The following DYNC1I1 variants were observed in gnomAD, a reference collection of about 807,000 sequenced individuals.
DYNC1I1 encodes cytoplasmic dynein 1 intermediate chain 1.
DYNC1I1 carries 43 observed loss-of-function variants against 86.6 expected under a neutral mutation model. That is an observed-to-expected ratio of 0.50 (90% CI 0.39 to 0.64). The LOEUF (loss-of-function observed/expected upper bound fraction) is 0.64, where lower values mean the gene tolerates loss of function less well. Ranked by LOEUF, DYNC1I1 falls within the 30% of genes least tolerant of loss-of-function variation. The probability of loss-of-function intolerance (pLI) is 0.00; values close to 1 mark genes in which losing one functional copy is unlikely to be tolerated. For synonymous variants in DYNC1I1, 262 were observed against 283.7 expected (o/e 0.92, Z 0.77); for missense variants, 604 against 788.8 (o/e 0.77, Z 2.81).
chr7:95,932,081 C>T (rs944432729), intron 6 of DYNC1I1, among the ~76,000 whole-genome samples: 1 of 152,046 alleles, frequency 6.6e-6, no homozygotes, highest in African/African-American at 2.4e-5. Context: ...AACAGAATAC[C>T]TTCAAGATTT....
chr7:95,880,904 C>T (rs1790440101), intron 6 of DYNC1I1, among the ~76,000 whole-genome samples: 1 of 152,116 alleles, frequency 6.6e-6, no homozygotes, highest in African/African-American at 2.4e-5. Context: ...CTCAGCCTCC[C>T]ATAACTTGCA....
chr7:95,825,068 T>TTACTGACAATAACTATG (rs1795174951), intron 4 of DYNC1I1, among the ~76,000 whole-genome samples: 1 of 152,224 alleles, frequency 6.6e-6, no homozygotes, highest in African/African-American at 2.4e-5. Context: ...GCCCACAGCT[T>TTACTGACAATAACTATG]GTTACTGACA....
At chr7:95,939,839 T>G (rs182407423) in intron 6 of DYNC1I1, among the ~76,000 whole-genome samples, 11 of 152,328 alleles carry the variant, frequency 7.2e-5, no homozygotes, top group Admixed American at 7.2e-4. Context: ...ATCCTGTCAT[T>G]ATGATGTTGG....
At chr7:96,043,606 A>G (rs1047626798) in intron 14 of DYNC1I1, among the ~76,000 whole-genome samples, 1 of 152,140 alleles carries the variant, frequency 6.6e-6, no homozygotes, top group African/African-American at 2.4e-5. Flanking sequence ...TGGATCTTAC[A>G]TAGATCTTGA....
intron 1 of DYNC1I1, among the ~76,000 whole-genome samples, chr7:95,785,819 T>TA: frequency 1.7e-5 from 2 of 114,634 alleles, no homozygotes; most frequent in South Asian, 2.8e-4. Flanking sequence ...ATATATATAT[T>TA]ATATATAACA....
intron 6 of DYNC1I1, among the ~76,000 whole-genome samples, chr7:95,936,954 T>TCACACACACACACACACACACACA (rs1491214381): frequency 3.0e-3 from 96 of 32,540 alleles, no homozygotes; most frequent in African/African-American, 7.2e-3. Flanking sequence ...AAAGAATATG[T>TCACACACACACACACACACACACA]CTCACACACA....
chr7:95,865,380 A>T (rs1353470349), intron 5 of DYNC1I1, among the ~76,000 whole-genome samples: 2 of 152,174 alleles, frequency 1.3e-5, no homozygotes, highest in East Asian at 3.9e-4. Context: ...GTCTCAATTT[A>T]TATTTCTACA....
At chr7:96,026,401 C>T (rs1794683397) in intron 10 of DYNC1I1, among the ~76,000 whole-genome samples, 3 of 151,622 alleles carry the variant, frequency 2.0e-5, no homozygotes, top group Admixed American at 6.6e-5. Flanking sequence ...GTTTAGTTTA[C>T]TAGTCAAAAA....
At chr7:95,900,206 G>A (rs1201095060) in intron 6 of DYNC1I1, among the ~76,000 whole-genome samples, 1 of 152,122 alleles carries the variant, frequency 6.6e-6, no homozygotes, top group Admixed American at 6.5e-5. Flanking sequence ...CCACTGGAAA[G>A]GAATCCTAGC....
intron 14 of DYNC1I1, among the ~76,000 whole-genome samples, chr7:96,046,497 G>T (rs998357458): frequency 1.1e-4 from 17 of 152,148 alleles, no homozygotes; most frequent in African/African-American, 3.4e-4. Context: ...GAGGAAATAG[G>T]CACAAGAGAG....
At chr7:95,790,174 A>G (rs1794256801) in intron 1 of DYNC1I1, among the ~76,000 whole-genome samples, 2 of 152,120 alleles carry the variant, frequency 1.3e-5, no homozygotes, top group Admixed American at 1.3e-4. Flanking sequence ...AGGGTGACCA[A>G]TTTGGCCAGG....
At chr7:96,087,362 G>A (rs1355409045) in intron 16 of DYNC1I1, among the ~76,000 whole-genome samples, 1 of 152,168 alleles carries the variant, frequency 6.6e-6, no homozygotes, top group Non-Finnish European at 1.5e-5. Flanking sequence ...TGTCCCCTGA[G>A]CAAGGCAAAC....
chr7:95,776,556 G>A (rs112727863), intron 1 of DYNC1I1, among the ~76,000 whole-genome samples: 214 of 152,332 alleles, frequency 1.4e-3, no homozygotes, highest in African/African-American at 4.9e-3. Flanking sequence ...AATACAGGAA[G>A]AATCACTGGT....
At chr7:96,054,017 A>G (rs1176196635) in intron 14 of DYNC1I1, among the ~76,000 whole-genome samples, 2 of 152,218 alleles carry the variant, frequency 1.3e-5, no homozygotes, top group Non-Finnish European at 2.9e-5. Context: ...CATGTGCAGA[A>G]TATGCAGGTT....
chr7:95,940,238 C>T (rs1227280374), intron 6 of DYNC1I1, among the ~76,000 whole-genome samples: 1 of 151,322 alleles, frequency 6.6e-6, no homozygotes. Flanking sequence ...ACATTTTTTC[C>T]TTCATTTCAA....
intron 14 of DYNC1I1, among the ~76,000 whole-genome samples, chr7:96,063,734 T>C (rs1167687666): frequency 6.6e-6 from 1 of 152,212 alleles, no homozygotes; most frequent in Non-Finnish European, 1.5e-5. Flanking sequence ...TCCAAGGTAC[T>C]GGAATTAGGA....
intron 14 of DYNC1I1, among the ~76,000 whole-genome samples, chr7:96,046,576 G>A (rs1156962821): frequency 1.3e-5 from 2 of 152,180 alleles, no homozygotes; most frequent in Non-Finnish European, 2.9e-5. Context: ...AGATTTGGGT[G>A]ACCCCAAAGA....
At chr7:95,966,329 C>T (rs1308349905) in intron 6 of DYNC1I1, among the ~76,000 whole-genome samples, 1 of 152,134 alleles carries the variant, frequency 6.6e-6, no homozygotes, top group Non-Finnish European at 1.5e-5. Context: ...ACTGATAGTA[C>T]AAAGAAAAAT....
intron 10 of DYNC1I1, among the ~76,000 whole-genome samples, chr7:96,010,031 G>A (rs542451736): frequency 2.0e-5 from 3 of 152,048 alleles, no homozygotes; most frequent in East Asian, 1.9e-4. Flanking sequence ...CACCCGTCTC[G>A]GCCTCCCCAG....
Sources: allele counts gnomAD v4.1 joint callset (sites outside exome capture counted in the v4.1 genomes callset), GRCh38; gene constraint gnomAD v4.1.1; transcripts MANE v1.5; gene names NCBI Gene and HGNC (gene_info 2026-07-23, HGNC 2026-07-21).